Variants in TEX14 observed in about 807,000 individuals in gnomAD.
TEX14 encodes the protein testis expressed 14, intercellular bridge forming factor, also known as inactive serine/threonine-protein kinase TEX14.
A neutral mutation model predicts 178.6 loss-of-function variants in TEX14; 168 were observed. The observed-to-expected ratio is 0.94, with a 90% confidence interval of 0.83 to 1.07. The LOEUF (loss-of-function observed/expected upper bound fraction) is 1.07, where lower values mean the gene tolerates loss of function less well. TEX14 is among the 50% of genes least tolerant of loss of function. The pLI is 0.00. For synonymous variants in TEX14, 626 were observed against 634.1 expected, an observed-to-expected ratio of 0.99 and a Z score of 0.19; for missense variants, 1,730 against 1,753.6, an observed-to-expected ratio of 0.99 and a Z score of 0.24.
At chr17:58,580,811 C>A (rs1391765051) in intron 19 of TEX14, among the ~76,000 whole-genome samples, 3 of 152,092 alleles carry the variant, frequency 2.0e-5, no homozygotes, top group Non-Finnish European at 4.4e-5. Flanking sequence ...CTTGTAAAAG[C>A]TAGGCAGATT....
chr17:58,606,616 T>C (rs956847584), intron 10 of TEX14, among the ~76,000 whole-genome samples: 1 of 151,986 alleles, frequency 6.6e-6, no homozygotes, highest in Non-Finnish European at 1.5e-5. Context: ...GTGAACAGTG[T>C]GGATATGCAT....
chr17:58,605,382 C>T lies in TEX14; in HGVS notation c.1185-253G>A, dbSNP rs543334847. Among the ~76,000 whole-genome samples, 94 of 152,246 alleles carry T rather than the reference C, an allele frequency of 6.2e-4. 1 individual carries two copies. Among genetic ancestry groups the T allele is most frequent in the Non-Finnish European group, 9.8e-4 (67 of 68,030 alleles). Reference sequence around the variant, plus strand: ...GCTAATTTTTGTATTTTAGTAGAGACGAGGTTTTGCCATGTTGGCCAGGCT... The same window carrying T: ...GCTAATTTTTGTATTTTAGTAGAGATGAGGTTTTGCCATGTTGGCCAGGCT... On this transcript the variant is annotated intron_variant, in intron 10 of 31. Transcript: ENST00000349033.
At chr17:58,640,644 TGAGA>T (rs150602548) in intron 2 of TEX14, among the ~76,000 whole-genome samples, 9 of 147,052 alleles carry the variant, frequency 6.1e-5, no homozygotes, top group Non-Finnish European at 1.2e-4. Flanking sequence ...TGTGTGTGTG[TGAGA>T]GAGAGAGAGA....
At chr17:58,660,966 T>G (rs1266201510) in intron 1 of TEX14, 1 of 1,139,686 alleles carries the variant, frequency 8.8e-7, no homozygotes, top group African/African-American at 1.5e-5. Flanking sequence ...TGATCAATGC[T>G]CTCAATCTCT....
At position 58,587,595 on chromosome 17, in the gene TEX14, T is replaced by G; in HGVS notation, c.2774A>C (p.His925Pro). ...TTTATACTCACTTTTCCATTTTAAG[T>G]GTACCTTTCCATCATCTTTATTTCT... ...ESRNKDDGKV[H>P]LKWKMEVKEM... Residue 925 changes from histidine to proline, a missense_variant, in exon 17 of 32, where the codon CAC becomes CCC. This residue lies in a region of TEX14 where 941 missense variants were observed against 1,072.4 expected (regional missense o/e 0.88). Coordinates refer to ENST00000349033, the MANE Select transcript of TEX14 (RefSeq NM_031272.5). 11 of 1,589,818 alleles carry G rather than the reference T, an allele frequency of 6.9e-6. No homozygotes were observed. The highest frequency in any genetic ancestry group is 9.5e-6 in the Non-Finnish European group (11 of 1,163,046).
At chr17:58,656,798 C>G (rs914640463) in intron 1 of TEX14, among the ~76,000 whole-genome samples, 4 of 150,418 alleles carry the variant, frequency 2.7e-5, no homozygotes, top group African/African-American at 9.8e-5. Flanking sequence ...TGGCAAGCAC[C>G]TGTAGTCCCA....
intron 5 of TEX14, among the ~76,000 whole-genome samples, chr17:58,619,529 C>T (rs905216577): frequency 5.3e-5 from 8 of 151,968 alleles, no homozygotes; most frequent in South Asian, 2.1e-4. Flanking sequence ...GGAGGGGGGG[C>T]GGGCACGGTG....
intron 15 of TEX14, among the ~76,000 whole-genome samples, chr17:58,592,340 T>G (rs1374836820): frequency 1.3e-5 from 2 of 150,130 alleles, no homozygotes; most frequent in Non-Finnish European, 3.0e-5. Flanking sequence ...AGTGATTCTT[T>G]TTTTTTTTTT....
At chr17:58,672,572 T>TATA (rs1445814448) in intron 1 of TEX14, among the ~76,000 whole-genome samples, 1 of 152,156 alleles carries the variant, frequency 6.6e-6, no homozygotes, top group African/African-American at 2.4e-5. Context: ...TAGCTGGGAT[T>TATA]ATAGGCACGC....
At position 58,565,770 on chromosome 17, in the gene TEX14, C is replaced by T. The variant is rs2144343150; in HGVS notation, c.3941G>A (p.Ser1314Asn). 1 of 1,610,282 alleles carries T rather than the reference C, an allele frequency of 6.2e-7. No homozygotes were observed. Among genetic ancestry groups the T allele is most frequent in the Non-Finnish European group, 8.5e-7 (1 of 1,178,320 alleles). ...ACCATTTGCAGTGCCTCCTCCATCACTTGCTGTGTTCTCATGCAACACCGT... is the reference window on the plus strand; with the variant it reads ...ACCATTTGCAGTGCCTCCTCCATCATTTGCTGTGTTCTCATGCAACACCGT... ...SSTVLHENTA[S>N]DGGGTANDQR... Residue 1314 changes from serine (S) to asparagine (N), a missense_variant, in exon 27 of 32, where the codon AGT becomes AAT. Coordinates refer to ENST00000349033, the MANE Select transcript of TEX14 (RefSeq NM_031272.5).
chr17:58,582,098 G>A lies in TEX14; in HGVS notation c.3172-2367C>T, dbSNP rs1229081713. ...CTAATCCCTCACAGGCAGAGACATAGCCCATGTGTTGGCATCATCTTACAG... is the reference window on the plus strand; with the variant it reads ...CTAATCCCTCACAGGCAGAGACATAACCCATGTGTTGGCATCATCTTACAG... On this transcript the variant is annotated intron_variant, in intron 19 of 31. Coordinates refer to ENST00000349033, the MANE Select transcript of TEX14 (RefSeq NM_031272.5). Among the ~76,000 whole-genome samples, 5 of 152,246 alleles carry A rather than the reference G, an allele frequency of 3.3e-5. No homozygotes were observed. The East Asian group carries it at 7.7e-4, about 23-fold the overall frequency.
intron 3 of TEX14, among the ~76,000 whole-genome samples, chr17:58,626,715 A>G (rs1474727257): frequency 1.3e-5 from 2 of 152,064 alleles, no homozygotes; most frequent in African/African-American, 4.8e-5. Flanking sequence ...AACTAAAAAT[A>G]CAAAAATTAG....
chr17:58,614,227 C>T (rs1009925043), intron 8 of TEX14, among the ~76,000 whole-genome samples: 1 of 152,156 alleles, frequency 6.6e-6, no homozygotes, highest in South Asian at 2.1e-4. Context: ...CAGTGGCTCA[C>T]GTCTGTAATC....
intron 2 of TEX14, among the ~76,000 whole-genome samples, chr17:58,634,785 A>G (rs979324289): frequency 1.3e-5 from 2 of 152,228 alleles, no homozygotes; most frequent in African/African-American, 4.8e-5. Flanking sequence ...GAAGGCAGAT[A>G]GTATCTACAT....
chr17:58,580,841 T>C (rs2044795204), intron 19 of TEX14, among the ~76,000 whole-genome samples: 1 of 152,136 alleles, frequency 6.6e-6, no homozygotes, highest in Admixed American at 6.6e-5. Context: ...ACTTGGTATA[T>C]TGGACAGTCT....
chr17:58,667,777 T>G (rs2047237896), intron 1 of TEX14, among the ~76,000 whole-genome samples: 1 of 151,046 alleles, frequency 6.6e-6, no homozygotes, highest in South Asian at 2.1e-4. Context: ...CCCAGCTACT[T>G]GGGAGGCTGA....
intron 6 of TEX14, among the ~76,000 whole-genome samples, chr17:58,617,047 T>C (rs1329730737): frequency 1.3e-5 from 2 of 152,116 alleles, no homozygotes; most frequent in Non-Finnish European, 2.9e-5. Flanking sequence ...GTCCAGAAGA[T>C]GGAGACCAGC....
chr17:58,572,135 G>GA lies in TEX14; in HGVS notation c.3512-10dup. On this transcript the variant is annotated splice_polypyrimidine_tract_variant and intron_variant, in intron 23 of 31. Transcript: ENST00000349033. ...AGCTGAAGAAACGGACCCTGTTGGAGAAAAGCGGAAGGTTACTGTCTGAAT... is the reference window on the plus strand; with the variant it reads ...AGCTGAAGAAACGGACCCTGTTGGAGAAAAAGCGGAAGGTTACTGTCTGAAT... 6.3e-7 allele frequency: 1 copy of GA among 1,591,960 alleles called. No homozygotes were observed. The highest frequency in any genetic ancestry group is 8.6e-7 in the Non-Finnish European group (1 of 1,161,532).
At chr17:58,557,691 G>T in intron 31 of TEX14, 108 bp downstream of exon 31, 1 of 808,360 alleles carries the variant, frequency 1.2e-6, no homozygotes, top group Non-Finnish European at 2.0e-6. Context: ...TGTCTAAATT[G>T]GAGTCTTTGT....
Sources: gnomAD v4.1 joint callset for allele counts (sites outside exome capture counted in the v4.1 genomes callset) on GRCh38, gnomAD v4.1.1 for gene constraint, gnomAD v4.1.1 regional missense constraint, MANE v1.5 for transcripts, NCBI Gene and HGNC (gene_info 2026-07-23, HGNC 2026-07-21) for gene names.